Variants in APBB2 observed in about 807,000 individuals in gnomAD.
APBB2 encodes the protein Fe65-like 1.
APBB2 carries 38 observed loss-of-function variants against 82.5 expected under a neutral mutation model. The observed-to-expected ratio is 0.46, with a 90% CI of 0.36 to 0.60. APBB2 has a LOEUF of 0.60. Among genes scored for constraint, APBB2 ranks in the 20% least tolerant of loss-of-function variants. The probability of loss-of-function intolerance (pLI) is 0.00; values close to 1 mark genes in which losing one functional copy is unlikely to be tolerated. For synonymous variants in APBB2, 341 were observed against 368.2 expected (o/e 0.93, Z 0.85); for missense variants, 772 against 972.3 (o/e 0.79, Z 2.74).
At chr4:41,180,602 C>G in intron 1 of APBB2, among the ~76,000 whole-genome samples, 1 of 152,158 alleles carries the variant, frequency 6.6e-6, no homozygotes, top group East Asian at 1.9e-4. Flanking sequence ...GAGCTATGAT[C>G]GCACCACTAC....
intron 1 of APBB2, among the ~76,000 whole-genome samples, chr4:41,185,669 A>G (rs563170759): frequency 6.6e-6 from 1 of 152,300 alleles, no homozygotes; most frequent in South Asian, 2.1e-4. Context: ...TTATTGCAAC[A>G]TCTTAATTGC....
chr4:41,051,711 A>T (rs1726013663), intron 4 of APBB2, among the ~76,000 whole-genome samples: 1 of 152,136 alleles, frequency 6.6e-6, no homozygotes, highest in Non-Finnish European at 1.5e-5. Flanking sequence ...GTCTGCCCTC[A>T]TGCCAATCCA....
At chr4:41,144,686 GAAC>G (rs1760196137) in intron 1 of APBB2, among the ~76,000 whole-genome samples, 1 of 152,192 alleles carries the variant, frequency 6.6e-6, no homozygotes, top group Non-Finnish European at 1.5e-5. Flanking sequence ...TTCCAGTGAT[GAAC>G]AACACTTTCC....
intron 13 of APBB2, among the ~76,000 whole-genome samples, chr4:40,827,575 G>A (rs754864028): frequency 1.3e-4 from 20 of 152,128 alleles, no homozygotes; most frequent in Non-Finnish European, 2.8e-4. Flanking sequence ...CCACAGCAGT[G>A]GCTTCTTCCA....
intron 12 of APBB2, among the ~76,000 whole-genome samples, chr4:40,885,867 G>C (rs373546969): frequency 8.5e-5 from 13 of 152,192 alleles, no homozygotes; most frequent in East Asian, 7.7e-4. Flanking sequence ...GCATCTCAGC[G>C]TAGGAAAACC....
rs1475172728 is a variant in APBB2 at position 40,814,033 on chromosome 4, C to G, written c.*2059G>C. The G allele has an allele frequency of 1.3e-5, 2 of 152,212 alleles. No individual in the cohort carries two copies. The highest frequency in any genetic ancestry group is 1.9e-4 in the East Asian group (1 of 5,198). 9.4% of individuals were successfully genotyped at this position (152,212 alleles called of 1,614,324 possible). On this transcript the variant is annotated 3_prime_UTR_variant, in exon 18 of 18. Coordinates refer to ENST00000508593, the MANE Select transcript of APBB2 (RefSeq NM_004307.2). The stretch of plus-strand genomic sequence containing the variant: ...AGACAATTCCGGTCCCCCTGTCCCC[C>G]ACCCCTCATGAATTCTGAGGGAATG...
chr4:41,073,594 A>G (rs774643780), intron 3 of APBB2, among the ~76,000 whole-genome samples: 2 of 152,244 alleles, frequency 1.3e-5, no homozygotes, highest in Non-Finnish European at 2.9e-5. Context: ...AGAGCTGTCC[A>G]AAGCAAGTCA....
intron 12 of APBB2, among the ~76,000 whole-genome samples, chr4:40,842,029 C>T (rs961712505): frequency 7.9e-5 from 12 of 152,216 alleles, no homozygotes; most frequent in African/African-American, 2.9e-4. Context: ...TACAACATGG[C>T]ACATAACCTA....
At chr4:40,940,722 C>T (rs1293698479) in intron 7 of APBB2, among the ~76,000 whole-genome samples, 4 of 152,148 alleles carry the variant, frequency 2.6e-5, no homozygotes, top group East Asian at 1.9e-4. Context: ...TTCATTTTCT[C>T]GAGCTTCAGA....
rs575788095 is a variant in APBB2, at chr4:41,068,054, A to G, written c.-148-2381T>C. On this transcript the variant is annotated intron_variant, in intron 3 of 17. Coordinates refer to ENST00000508593, the MANE Select transcript of APBB2 (RefSeq NM_004307.2). The stretch of plus-strand genomic sequence containing the variant: ...ACCTCGAAGAAGAGGGGAGTCCACA[A>G]TCCTCGGATATTAGAAGGAAAGTAC... Among the ~76,000 whole-genome samples, 11 of 152,284 alleles carry G rather than the reference A, an allele frequency of 7.2e-5. No individual in the cohort carries two copies. In the East Asian group the frequency reaches 2.1e-3, roughly 29 times the overall value.
At chr4:41,211,841 T>G (rs1308924496) in intron 1 of APBB2, among the ~76,000 whole-genome samples, 2 of 152,224 alleles carry the variant, frequency 1.3e-5, no homozygotes, top group Non-Finnish European at 2.9e-5. Flanking sequence ...CATACCATTT[T>G]TCTTATTTTT....
rs77879313 is a variant in APBB2, at chr4:40,970,707, G to A, written c.836-25634C>T. ...CACAATGAGGCACCACTGGTAGGTA[G>A]AGGCCAGGCACACTAAGTGACCTGC... On this transcript the variant is annotated intron_variant, in intron 6 of 17. Transcript: ENST00000508593. Among the ~76,000 whole-genome samples, 742 of 152,174 alleles carry A rather than the reference G, an allele frequency of 4.9e-3. 2 individuals are homozygous for A. Among genetic ancestry groups the A allele is most frequent in the Non-Finnish European group, 7.0e-3 (473 of 68,014 alleles).
intron 12 of APBB2, among the ~76,000 whole-genome samples, chr4:40,881,816 G>A (rs958947625): frequency 1.3e-5 from 2 of 152,010 alleles, no homozygotes; most frequent in Non-Finnish European, 2.9e-5. Flanking sequence ...TTACAGGTAT[G>A]AGCCACTGCG....
intron 4 of APBB2, among the ~76,000 whole-genome samples, chr4:41,052,501 C>G (rs145281601): frequency 2.4e-3 from 373 of 152,268 alleles, no homozygotes; most frequent in African/African-American, 8.4e-3. Flanking sequence ...TCACAGCTCT[C>G]GTAGACAAGA....
intron 1 of APBB2, among the ~76,000 whole-genome samples, chr4:41,176,367 T>A (rs1769783487): frequency 6.6e-6 from 1 of 151,684 alleles, no homozygotes; most frequent in South Asian, 2.1e-4. Context: ...AAGAATGTAT[T>A]TTTTTTTAGC....
chr4:40,932,894 C>T (rs1227922542), intron 10 of APBB2, among the ~76,000 whole-genome samples: 2 of 152,134 alleles, frequency 1.3e-5, no homozygotes, highest in Non-Finnish European at 2.9e-5. Flanking sequence ...GATGGAGTCT[C>T]GCTCTGTCAC....
At chr4:41,195,099 T>A in intron 1 of APBB2, among the ~76,000 whole-genome samples, 1 of 152,128 alleles carries the variant, frequency 6.6e-6, no homozygotes, top group Non-Finnish European at 1.5e-5. Context: ...CCGTGCTATG[T>A]AAGTCTTCTC....
At chr4:41,097,601 T>C (rs1029458008) in intron 3 of APBB2, among the ~76,000 whole-genome samples, 1 of 152,218 alleles carries the variant, frequency 6.6e-6, no homozygotes, top group African/African-American at 2.4e-5. Flanking sequence ...CATTTAGGGT[T>C]GACATAAAAC....
chr4:40,975,763 C>CAG (rs1797016807), intron 6 of APBB2, among the ~76,000 whole-genome samples: 1 of 150,190 alleles, frequency 6.7e-6, no homozygotes, highest in Non-Finnish European at 1.5e-5. Flanking sequence ...AACACACACA[C>CAG]ACACACACAC....
Sources: gnomAD v4.1 joint callset for allele counts (sites outside exome capture counted in the v4.1 genomes callset) on GRCh38, gnomAD v4.1.1 for gene constraint, MANE v1.5 for transcripts, NCBI Gene and HGNC (gene_info 2026-07-23, HGNC 2026-07-21) for gene names.